Variants in TIAM1 observed in about 807,000 individuals in gnomAD.
The protein encoded by TIAM1 is rho guanine nucleotide exchange factor TIAM1.
In TIAM1, 65 loss-of-function variants were observed where a neutral mutation model predicts 163.5. That is an observed-to-expected ratio of 0.40 (90% confidence interval 0.33 to 0.49). The LOEUF is 0.49. Among genes scored for constraint, TIAM1 ranks in the 20% least tolerant of loss-of-function variants. The probability of loss-of-function intolerance (pLI) is 0.77; values close to 1 mark genes in which losing one functional copy is unlikely to be tolerated. For missense variants in TIAM1, 1,789 were observed against 2,044.7 expected (o/e 0.87, Z 2.41); for synonymous variants, 833 against 810.1 (o/e 1.03, Z -0.48).
intron 2 of TIAM1, among the ~76,000 whole-genome samples, chr21:31,437,516 A>AAAAAAAAAAAAG (rs553022193): frequency 2.4e-3 from 358 of 150,852 alleles, no homozygotes; most frequent in African/African-American, 8.1e-3. Context: ...AAAAAAAAAA[A>AAAAAAAAAAAAG]GCAACTACAT....
Position 31,182,431 on chromosome 21 carries a change from G to A in TIAM1, c.2877C>T (p.Thr959=). 1 of 1,573,694 alleles carries A rather than the reference G, an allele frequency of 6.4e-7. No homozygotes were observed. Among genetic ancestry groups the A allele is most frequent in the Non-Finnish European group, 8.6e-7 (1 of 1,161,612 alleles). The part of the protein sequence containing the change: ...DLGESPLAFL[T]SNPGHSLCSE... Reference sequence around the variant, plus strand: ...CCTGCACAGCCATACCTGGGTTGCTGGTGAGAAAGGCGAGGGGGCTCTCGC... The same window carrying A: ...CCTGCACAGCCATACCTGGGTTGCTAGTGAGAAAGGCGAGGGGGCTCTCGC... The change falls in exon 15 of 28, where the codon ACC becomes ACT. Residue 959 remains threonine (T), a synonymous_variant. Transcript: ENST00000541036.
intron 2 of TIAM1, among the ~76,000 whole-genome samples, chr21:31,363,891 A>G (rs1569267252): frequency 6.6e-6 from 1 of 152,106 alleles, no homozygotes; most frequent in Admixed American, 6.5e-5. Flanking sequence ...AACCACAGGA[A>G]AAAAAGGGGG....
At position 31,295,836 on chromosome 21, in the gene TIAM1, G is replaced by A. The variant is rs117368389; in HGVS notation, c.-188-18928C>T. On this transcript the variant is annotated intron_variant, in intron 2 of 27. Transcript: ENST00000541036. ...TTTTTGTTTGTTTGTTTTTTGAGAC[G>A]GATTGGGCTGGAGTGCAGTGGAGCG... 1.4e-3 allele frequency among the ~76,000 whole-genome samples: 214 copies of A among 152,158 alleles called. 1 individual carries two copies. In the East Asian group the frequency reaches 0.036, roughly 26 times the overall value.
At chr21:31,476,536 C>G (rs955417182) in intron 1 of TIAM1, among the ~76,000 whole-genome samples, 1 of 152,142 alleles carries the variant, frequency 6.6e-6, no homozygotes, top group African/African-American at 2.4e-5. Context: ...TAATAGGGGC[C>G]AATTTGTTGA....
chr21:31,498,393 T>G (rs1421958519), intron 1 of TIAM1, among the ~76,000 whole-genome samples: 1 of 152,176 alleles, frequency 6.6e-6, no homozygotes, highest in Non-Finnish European at 1.5e-5. Flanking sequence ...GAGAAGATGG[T>G]GAGCTCATCT....
chr21:31,500,823 T>C (rs2046824189), intron 1 of TIAM1, among the ~76,000 whole-genome samples: 1 of 152,170 alleles, frequency 6.6e-6, no homozygotes, highest in South Asian at 2.1e-4. Context: ...CATCTTGATT[T>C]TGGACTTCTG....
intron 1 of TIAM1, among the ~76,000 whole-genome samples, chr21:31,546,978 T>C (rs1015360763): frequency 1.3e-5 from 2 of 152,042 alleles, no homozygotes; most frequent in African/African-American, 4.8e-5. Flanking sequence ...CTGGCTCCTA[T>C]GTTGTAATAA....
intron 2 of TIAM1, among the ~76,000 whole-genome samples, chr21:31,425,069 AG>A (rs1376064307): frequency 6.6e-6 from 1 of 151,840 alleles, no homozygotes. Flanking sequence ...AAAAAAAAAA[AG>A]AAAACAAAAC....
At chr21:31,170,965 G>A (rs1166992030) in intron 15 of TIAM1, among the ~76,000 whole-genome samples, 1 of 149,158 alleles carries the variant, frequency 6.7e-6, no homozygotes, top group Non-Finnish European at 1.5e-5. Flanking sequence ...GAACCCAAGA[G>A]GCAGAGGTTG....
intron 2 of TIAM1, among the ~76,000 whole-genome samples, chr21:31,398,956 A>C (rs1169622054): frequency 6.6e-6 from 1 of 152,226 alleles, no homozygotes; most frequent in African/African-American, 2.4e-5. Context: ...CTGGCAGCTC[A>C]CCTGAGGCCA....
intron 2 of TIAM1, among the ~76,000 whole-genome samples, chr21:31,447,298 G>A (rs1742974483): frequency 6.6e-6 from 1 of 152,088 alleles, no homozygotes. Context: ...TTAGCAGGGT[G>A]TAGTGGTGTG....
intron 1 of TIAM1, among the ~76,000 whole-genome samples, chr21:31,531,883 G>A (rs536726270): frequency 3.3e-5 from 5 of 152,206 alleles, no homozygotes; most frequent in East Asian, 1.9e-4. Flanking sequence ...TTGGGAGGCC[G>A]AGGCAGGCAG....
chr21:31,355,416 T>A (rs2076299395), intron 2 of TIAM1, among the ~76,000 whole-genome samples: 3 of 152,146 alleles, frequency 2.0e-5, no homozygotes, highest in Non-Finnish European at 2.9e-5. Flanking sequence ...TTGTTCAACA[T>A]CACCTTCTCA....
chr21:31,423,311 G>A (rs899453140), intron 2 of TIAM1, among the ~76,000 whole-genome samples: 5 of 151,814 alleles, frequency 3.3e-5, no homozygotes, highest in African/African-American at 1.2e-4. Flanking sequence ...TGTTAGCCAG[G>A]ATAGTCTCGA....
intron 1 of TIAM1, among the ~76,000 whole-genome samples, chr21:31,342,585 A>G (rs763569491): frequency 1.3e-4 from 20 of 152,340 alleles, no homozygotes; most frequent in Non-Finnish European, 2.5e-4. Context: ...TTTCACCAGC[A>G]TTATCATGAG....
chr21:31,447,790 T>C (rs916014377), intron 2 of TIAM1, among the ~76,000 whole-genome samples: 1 of 152,180 alleles, frequency 6.6e-6, no homozygotes, highest in African/African-American at 2.4e-5. Flanking sequence ...TGCACATATA[T>C]GCACAACACA....
chr21:31,297,775 A>T (rs2074343841), intron 2 of TIAM1, among the ~76,000 whole-genome samples: 1 of 152,204 alleles, frequency 6.6e-6, no homozygotes, highest in Non-Finnish European at 1.5e-5. Context: ...TGAGACCCCA[A>T]AAATATGATA....
chr21:31,210,287 A>ACAGG, intron 10 of TIAM1, 72 bp from the exon 11 acceptor site: 1 of 1,512,822 alleles, frequency 6.6e-7, no homozygotes, highest in Admixed American at 1.7e-5. Context: ...CAGACTGCAC[A>ACAGG]CAGGAATCAC....
intron 1 of TIAM1, among the ~76,000 whole-genome samples, chr21:31,470,832 T>C (rs1184139116): frequency 1.3e-5 from 2 of 152,052 alleles, no homozygotes; most frequent in Non-Finnish European, 2.9e-5. Flanking sequence ...AGGTGGTGGG[T>C]ACCCAGGTCA....
Sources: allele counts gnomAD v4.1 joint callset (sites outside exome capture counted in the v4.1 genomes callset), GRCh38; gene constraint gnomAD v4.1.1; transcripts MANE v1.5; gene names NCBI Gene and HGNC (gene_info 2026-07-23, HGNC 2026-07-21).